The following CSMD1 variants were observed in gnomAD, a reference collection of about 807,000 sequenced individuals.
CSMD1 encodes CUB and Sushi multiple domains 1, also known as CUB and sushi domain-containing protein 1.
Under a neutral mutation model 417.5 loss-of-function variants are expected in CSMD1, and 213 were observed. The ratio of observed to expected loss-of-function variants is 0.51; its 90% CI spans 0.46 to 0.57. CSMD1 has a LOEUF of 0.57. Ranked by LOEUF, CSMD1 falls within the 20% of genes least tolerant of loss-of-function variation. The pLI, the probability that CSMD1 is intolerant of heterozygous loss-of-function variation, is 0.00. For missense variants in CSMD1, 6,923 were observed against 4,529.7 expected, an observed-to-expected ratio of 1.53 and a Z score of -15.17; for synonymous variants, 2,862 against 1,736.8, an observed-to-expected ratio of 1.65 and a Z score of -16.11.
chr8:4,725,927 T>A (rs1178969594), intron 1 of CSMD1, among the ~76,000 whole-genome samples: 1 of 152,062 alleles, frequency 6.6e-6, no homozygotes, highest in African/African-American at 2.4e-5. Flanking sequence ...ACTTTGACAC[T>A]CTCCAGTAGA....
rs1268806524 is a variant in CSMD1, at chr8:4,253,635, C to A, written c.415+166318G>T. 2.6e-5 allele frequency among the ~76,000 whole-genome samples: 4 copies of A among 152,110 alleles called. No homozygotes were observed. In the East Asian group the frequency reaches 5.8e-4, roughly 22 times the overall value. On this transcript the variant is annotated intron_variant, in intron 3 of 69. Coordinates refer to ENST00000635120, the MANE Select transcript of CSMD1 (RefSeq NM_033225.6). Reference sequence around the variant, plus strand: ...CAAGTAAAAGACTGGAGGGAAGGGGCCAGATCTACTTAATAGACACACAAT... The same window carrying A: ...CAAGTAAAAGACTGGAGGGAAGGGGACAGATCTACTTAATAGACACACAAT...
chr8:4,925,327 C>CG (rs1378801140), intron 1 of CSMD1, among the ~76,000 whole-genome samples: 1 of 131,738 alleles, frequency 7.6e-6, no homozygotes, highest in Non-Finnish European at 1.5e-5. Flanking sequence ...TGGTCTTTGA[C>CG]GGGGTCATGT....
intron 5 of CSMD1, among the ~76,000 whole-genome samples, chr8:3,872,244 A>G (rs1805526866): frequency 6.6e-6 from 1 of 152,106 alleles, no homozygotes; most frequent in Admixed American, 6.6e-5. Context: ...TGTTGTTTTT[A>G]GGGAAAAGGG....
At chr8:4,389,435 AAAAC>A (rs1344516086) in intron 3 of CSMD1, among the ~76,000 whole-genome samples, 2 of 152,214 alleles carry the variant, frequency 1.3e-5, no homozygotes, top group African/African-American at 4.8e-5. Flanking sequence ...TCACATAAAC[AAAAC>A]AAAGAAACAA....
chr8:4,749,005 T>A (rs1218143946), intron 1 of CSMD1, among the ~76,000 whole-genome samples: 1 of 152,230 alleles, frequency 6.6e-6, no homozygotes. Flanking sequence ...TATTTTCCCT[T>A]TGTCACGGTG....
intron 10 of CSMD1, among the ~76,000 whole-genome samples, chr8:3,533,239 T>C (rs1296046006): frequency 6.6e-6 from 1 of 152,224 alleles, no homozygotes; most frequent in African/African-American, 2.4e-5. Context: ...ATTATTTTTA[T>C]TGATAAGGAT....
chr8:4,827,286 G>C (rs1373249571), intron 1 of CSMD1, among the ~76,000 whole-genome samples: 1 of 152,048 alleles, frequency 6.6e-6, no homozygotes, highest in Non-Finnish European at 1.5e-5. Context: ...CATTACTCAT[G>C]TTTCAAGCAG....
intron 3 of CSMD1, among the ~76,000 whole-genome samples, chr8:4,367,811 T>G (rs1283627881): frequency 6.6e-6 from 1 of 152,204 alleles, no homozygotes; most frequent in African/African-American, 2.4e-5. Flanking sequence ...TATTTTATTC[T>G]TTGTGCTATT....
At position 3,359,255 on chromosome 8, in the gene CSMD1, CAG is replaced by C; in HGVS notation, c.3199_3200del (p.Leu1067AspfsTer45). On this transcript the variant is annotated frameshift_variant, in exon 21 of 70. Transcript: ENST00000635120. LOFTEE classifies it high-confidence loss of function. ...GATATCCCAGGAAGCAGGAAAACGT[CAG>C]AGAGTCTCCCACACCAAAGTGAAAA... ...IGFHFGVGDS[L>X]TFSCFLGYRL... 3 of 1,613,882 alleles carry C rather than the reference CAG, an allele frequency of 1.9e-6. No individual in the cohort carries two copies. Among genetic ancestry groups the C allele is most frequent in the Non-Finnish European group, 2.5e-6 (3 of 1,179,834 alleles).
At chr8:3,511,501 T>A (rs1797065425) in intron 10 of CSMD1, among the ~76,000 whole-genome samples, 3 of 151,700 alleles carry the variant, frequency 2.0e-5, no homozygotes, top group Admixed American at 2.0e-4. Flanking sequence ...ACGGCTGTAA[T>A]CCCTGCACTT....
chr8:4,376,798 C>T (rs74416078), intron 3 of CSMD1, among the ~76,000 whole-genome samples: 2,162 of 152,202 alleles, frequency 0.014, 56 homozygotes, highest in African/African-American at 0.049. Flanking sequence ...TTCTGTTGTC[C>T]GACCTCTACT....
At chr8:4,056,407 TC>T (rs1263631377) in intron 3 of CSMD1, among the ~76,000 whole-genome samples, 1 of 151,638 alleles carries the variant, frequency 6.6e-6, no homozygotes, top group African/African-American at 2.4e-5. Context: ...CTTTTTTTTT[TC>T]TTTTTTTTTT....
intron 12 of CSMD1, among the ~76,000 whole-genome samples, chr8:3,419,578 C>G (rs1296558219): frequency 2.0e-5 from 3 of 152,066 alleles, no homozygotes; most frequent in Non-Finnish European, 4.4e-5. Context: ...ATTCTGAAAC[C>G]TGGAAAATCC....
chr8:4,802,150 A>G (rs1474052986), intron 1 of CSMD1, among the ~76,000 whole-genome samples: 1 of 152,228 alleles, frequency 6.6e-6, no homozygotes, highest in Non-Finnish European at 1.5e-5. Flanking sequence ...TCGAAGAGCA[A>G]TTGCACAAAG....
At chr8:3,011,864 A>G (rs755114142) in intron 52 of CSMD1, among the ~76,000 whole-genome samples, 2 of 152,240 alleles carry the variant, frequency 1.3e-5, no homozygotes. Flanking sequence ...TGTTGGTTTA[A>G]GCAAACTACC....
chr8:3,622,132 G>C (rs573338276), intron 7 of CSMD1, among the ~76,000 whole-genome samples: 3 of 152,184 alleles, frequency 2.0e-5, no homozygotes, highest in South Asian at 2.1e-4. Context: ...GTAAGCAGTG[G>C]TCTACTACTA....
chr8:4,552,837 C>G (rs1246101465), intron 2 of CSMD1, among the ~76,000 whole-genome samples: 5 of 152,194 alleles, frequency 3.3e-5, no homozygotes, highest in African/African-American at 1.2e-4. Context: ...CAATTATGCT[C>G]TAGCTGGATG....
intron 49 of CSMD1, among the ~76,000 whole-genome samples, chr8:3,066,116 T>C (rs143956182): frequency 0.012 from 1,772 of 152,078 alleles, 40 homozygotes; most frequent in African/African-American, 0.04. Context: ...TTCAAAGGAG[T>C]GCGGGCCTAT....
At chr8:3,090,225 G>A (rs1814842841) in intron 48 of CSMD1, among the ~76,000 whole-genome samples, 1 of 145,856 alleles carries the variant, frequency 6.9e-6, no homozygotes, top group Admixed American at 7.1e-5. Flanking sequence ...GCTGAGGCAG[G>A]AGAATGGCCT....
Sources: allele counts gnomAD v4.1 joint callset (sites outside exome capture counted in the v4.1 genomes callset), GRCh38; gene constraint gnomAD v4.1.1; transcripts MANE v1.5; gene names NCBI Gene and HGNC (gene_info 2026-07-23, HGNC 2026-07-21).